The following DNM3 variants were observed in gnomAD, a reference collection of about 807,000 sequenced individuals.
The protein encoded by DNM3 is dynamin-3.
DNM3 carries 47 observed loss-of-function variants against 101.6 expected under a neutral mutation model. The ratio of observed to expected loss-of-function variants is 0.46; its 90% confidence interval spans 0.37 to 0.59. DNM3 has a LOEUF of 0.59. Ranked by LOEUF, DNM3 falls within the 20% of genes least tolerant of loss-of-function variation. DNM3 has a pLI of 0.00. For synonymous variants in DNM3, 385 were observed against 387.9 expected, an observed-to-expected ratio of 0.99 and a Z score of 0.09; for missense variants, 849 against 1,085.7, an observed-to-expected ratio of 0.78 and a Z score of 3.06.
At chr1:172,168,918 T>C (rs1310163564) in intron 14 of DNM3, among the ~76,000 whole-genome samples, 1 of 151,948 alleles carries the variant, frequency 6.6e-6, no homozygotes, top group Non-Finnish European at 1.5e-5. Flanking sequence ...AGAAGGGGTT[T>C]CTACTATGTT....
At chr1:172,371,172 GT>G (rs1354315622) in intron 17 of DNM3, among the ~76,000 whole-genome samples, 1 of 151,964 alleles carries the variant, frequency 6.6e-6, no homozygotes, top group East Asian at 1.9e-4. Flanking sequence ...TTTTGGAATA[GT>G]TTTGACTTAA....
chr1:172,269,059 T>C (rs2062980697), intron 15 of DNM3, among the ~76,000 whole-genome samples: 1 of 152,166 alleles, frequency 6.6e-6, no homozygotes, highest in Non-Finnish European at 1.5e-5. Flanking sequence ...TTCCCAAGGA[T>C]TCAGTTTCTC....
chr1:171,892,852 C>T (rs2037416976), intron 1 of DNM3, among the ~76,000 whole-genome samples: 1 of 149,858 alleles, frequency 6.7e-6, no homozygotes, highest in Admixed American at 6.6e-5. Context: ...ATAAGCAGTT[C>T]ATGATAGGGT....
At chr1:172,025,113 T>TG (rs777198643) in intron 4 of DNM3, among the ~76,000 whole-genome samples, 1 of 152,168 alleles carries the variant, frequency 6.6e-6, no homozygotes, top group Non-Finnish European at 1.5e-5. Context: ...GAGCTTTGTT[T>TG]GGGGAGGGGC....
intron 10 of DNM3, among the ~76,000 whole-genome samples, chr1:172,067,368 C>A (rs2051767410): frequency 1.3e-5 from 2 of 152,174 alleles, no homozygotes; most frequent in Admixed American, 1.3e-4. Flanking sequence ...GCTGTCATCC[C>A]AGTAGAAGCC....
intron 2 of DNM3, among the ~76,000 whole-genome samples, chr1:171,949,322 G>A (rs1057178994): frequency 2.0e-5 from 3 of 152,124 alleles, no homozygotes; most frequent in Non-Finnish European, 2.9e-5. Flanking sequence ...GCAAGTGCAG[G>A]CATAAGAAGG....
chr1:172,408,163 C>T lies in DNM3; in HGVS notation c.*322C>T. 2.7e-6 allele frequency: 3 copies of T among 1,124,572 alleles called. No individual in the cohort carries two copies. In the South Asian group the frequency reaches 9.5e-5, roughly 36 times the overall value. The allele number at this position is 1,124,572 out of a possible 1,614,324, so 69.7% of individuals were successfully genotyped here. A position where few individuals can be genotyped will look rare whatever the true frequency, so the allele number is the denominator to read the frequency against. On this transcript the variant is annotated 3_prime_UTR_variant, in exon 21 of 21. Coordinates refer to ENST00000627582, the MANE Select transcript of DNM3 (RefSeq NM_015569.5). ...GCTTTGGACAAGTTTTCTAGGCTAT[C>T]TACCAGGTAGCTCATTAAACGTAAT...
intron 13 of DNM3, among the ~76,000 whole-genome samples, chr1:172,107,837 C>T (rs989412852): frequency 4.6e-5 from 7 of 152,202 alleles, no homozygotes; most frequent in Non-Finnish European, 8.8e-5. Context: ...CCCCAAAGCA[C>T]GAATCTTTTC....
chr1:172,361,590 T>G (rs1054730652), intron 17 of DNM3, among the ~76,000 whole-genome samples: 8 of 151,894 alleles, frequency 5.3e-5, no homozygotes, highest in Non-Finnish European at 2.9e-5. Flanking sequence ...AATTAAATCA[T>G]AATATTTGAG....
At chr1:172,388,861 A>G in intron 20 of DNM3, 52 bp downstream of exon 20, 1 of 1,362,810 alleles carries the variant, frequency 7.3e-7, no homozygotes, top group Non-Finnish European at 1.0e-6. Flanking sequence ...TTCTCTTCTC[A>G]TAGAATGACA....
At chr1:171,863,731 C>A (rs1474703165) in intron 1 of DNM3, among the ~76,000 whole-genome samples, 1 of 152,156 alleles carries the variant, frequency 6.6e-6, no homozygotes, top group Non-Finnish European at 1.5e-5. Flanking sequence ...CAAGCCCTTT[C>A]ATGTCTCCAT....
At chr1:171,935,642 G>C (rs1008984652) in intron 2 of DNM3, among the ~76,000 whole-genome samples, 7 of 152,016 alleles carry the variant, frequency 4.6e-5, no homozygotes, top group African/African-American at 1.4e-4. Flanking sequence ...GCTTATGCCA[G>C]CTCCTAAGAT....
At chr1:172,337,866 T>TTTTATTTTATTTTAA (rs2066501774) in intron 17 of DNM3, among the ~76,000 whole-genome samples, 3 of 113,130 alleles carry the variant, frequency 2.7e-5, no homozygotes, top group Admixed American at 9.5e-5. Flanking sequence ...TTTTATTTTA[T>TTTTATTTTATTTTAA]TTTTATTTTA....
intron 16 of DNM3, among the ~76,000 whole-genome samples, chr1:172,321,937 T>C (rs903301764): frequency 6.6e-6 from 1 of 152,216 alleles, no homozygotes; most frequent in Admixed American, 6.5e-5. Flanking sequence ...GGACTCTTTT[T>C]TTCCCTTCAT....
chr1:171,919,131 CTT>C (rs930172929), intron 1 of DNM3, among the ~76,000 whole-genome samples: 1 of 152,098 alleles, frequency 6.6e-6, no homozygotes, highest in Non-Finnish European at 1.5e-5. Context: ...CCCTCCAGCT[CTT>C]TTTATTTTTA....
At chr1:171,979,678 C>G (rs1198313804) in intron 2 of DNM3, among the ~76,000 whole-genome samples, 1 of 152,180 alleles carries the variant, frequency 6.6e-6, no homozygotes, top group African/African-American at 2.4e-5. Flanking sequence ...CAGCACTATT[C>G]CAGTTACCTG....
At chr1:172,074,096 G>T (rs1357563279) in intron 11 of DNM3, among the ~76,000 whole-genome samples, 1 of 152,012 alleles carries the variant, frequency 6.6e-6, no homozygotes, top group Non-Finnish European at 1.5e-5. Context: ...GATGTTTCAG[G>T]CACTGTTCTA....
chr1:171,975,527 T>C (rs1341808431), intron 2 of DNM3, among the ~76,000 whole-genome samples: 1 of 152,226 alleles, frequency 6.6e-6, no homozygotes, highest in East Asian at 1.9e-4. Flanking sequence ...CTCCAAGTTA[T>C]AAGAATCTGT....
chr1:172,122,112 G>A (rs2056358778), intron 13 of DNM3, among the ~76,000 whole-genome samples: 1 of 152,106 alleles, frequency 6.6e-6, no homozygotes, highest in Admixed American at 6.6e-5. Flanking sequence ...ATAATGTGAT[G>A]CCAACTTACT....
Sources: gnomAD v4.1 joint callset for allele counts (sites outside exome capture counted in the v4.1 genomes callset) on GRCh38, gnomAD v4.1.1 for gene constraint, MANE v1.5 for transcripts, NCBI Gene and HGNC (gene_info 2026-07-23, HGNC 2026-07-21) for gene names.